AGAP1: variants seen among roughly 807,000 people sequenced by gnomAD.
AGAP1 encodes arf-GAP with GTPase, ANK repeat and PH domain-containing protein 1.
AGAP1 carries 29 observed loss-of-function variants against 105.3 expected under a neutral mutation model. That is an observed-to-expected ratio of 0.28 (90% confidence interval 0.21 to 0.38). The LOEUF is 0.38. Ranked by LOEUF, AGAP1 falls within the 10% of genes least tolerant of loss-of-function variation. AGAP1 has a pLI of 1.00. For missense variants in AGAP1, 998 were observed against 1,165.1 expected (o/e 0.86, Z 2.09); for synonymous variants, 509 against 485.9 (o/e 1.05, Z -0.63).
chr2:235,756,282 A>G (rs1953917797), intron 6 of AGAP1, among the ~76,000 whole-genome samples: 1 of 152,088 alleles, frequency 6.6e-6, no homozygotes, highest in African/African-American at 2.4e-5. Flanking sequence ...TCAATCGGGG[A>G]GACAGGATCA....
rs1944359177 is a variant in AGAP1, at chr2:235,566,766, G to T, written c.163+71917G>T. 6.6e-6 allele frequency among the ~76,000 whole-genome samples: 1 copy of T among 152,184 alleles called. No homozygotes were observed. The highest frequency in any genetic ancestry group is 1.5e-5 in the Non-Finnish European group (1 of 68,044). On this transcript the variant is annotated intron_variant, in intron 1 of 17. Coordinates refer to ENST00000304032, the MANE Select transcript of AGAP1 (RefSeq NM_001037131.3). The surrounding 1 kb of genome is among the most constrained non-coding windows in gnomAD (Gnocchi z 5.2). ...CCCTAGATTTCCCTGCCTGAAGGGG[G>T]CCCCGTGTTAGTTTCCTGTGGCTGC...
At chr2:235,943,524 A>G (rs999277149) in intron 12 of AGAP1, among the ~76,000 whole-genome samples, 1 of 151,902 alleles carries the variant, frequency 6.6e-6, no homozygotes, top group Non-Finnish European at 1.5e-5. Flanking sequence ...TAATTTTTGT[A>G]TTTTTAGTAG....
At position 235,586,453 on chromosome 2, in the gene AGAP1, G is replaced by A. The variant is rs541460282; in HGVS notation, c.163+91604G>A. 1.4e-4 allele frequency among the ~76,000 whole-genome samples: 21 copies of A among 152,350 alleles called. No individual in the cohort carries two copies. In the South Asian group the frequency reaches 4.1e-3, roughly 30 times the overall value. On this transcript the variant is annotated intron_variant, in intron 1 of 17. Coordinates refer to ENST00000304032, the MANE Select transcript of AGAP1 (RefSeq NM_001037131.3). The surrounding 1 kb of genome is among the most constrained non-coding windows in gnomAD (Gnocchi z 4.2). ...CTCCCCTGTGGAAGGCAAGGTGGAG[G>A]CAGCTGTTATGTGGTGTGTTGGATT...
At chr2:236,085,965 TC>T (rs2058918304) in intron 16 of AGAP1, among the ~76,000 whole-genome samples, 1 of 152,262 alleles carries the variant, frequency 6.6e-6, no homozygotes. Context: ...CTGACCACAC[TC>T]GTCATTTCTC....
Position 235,866,833 on chromosome 2 carries a change from T to C in AGAP1, c.1051-16512T>C, listed in dbSNP as rs1336522591. On this transcript the variant is annotated intron_variant, in intron 9 of 17. Coordinates refer to ENST00000304032, the MANE Select transcript of AGAP1 (RefSeq NM_001037131.3). This position sits in a 1 kb window ranked among gnomAD's most constrained non-coding sequence, Gnocchi z 6.1. The stretch of plus-strand genomic sequence containing the variant: ...TTCTCCGTGAGTGTCTGTGTCCTGA[T>C]CTTTTCTAATAAGGACAACAGTCAT... Among the ~76,000 whole-genome samples, 4 of 152,188 alleles carry C rather than the reference T, an allele frequency of 2.6e-5. No individual in the cohort carries two copies. The highest frequency in any genetic ancestry group is 5.9e-5 in the Non-Finnish European group (4 of 68,042).
At chr2:235,956,722 C>G (rs998745053) in intron 12 of AGAP1, among the ~76,000 whole-genome samples, 1 of 152,230 alleles carries the variant, frequency 6.6e-6, no homozygotes, top group South Asian at 2.1e-4. Context: ...CCATGAGCAG[C>G]TCAAGACTGG....
chr2:236,094,291 TA>T (rs201524432), intron 16 of AGAP1, among the ~76,000 whole-genome samples: 1,709 of 139,258 alleles, frequency 0.012, 11 homozygotes, highest in Middle Eastern at 0.033. Flanking sequence ...TCTATATCTT[TA>T]AAAAAAAAAA....
At position 236,082,040 on chromosome 2, in the gene AGAP1, G is replaced by T. The variant is rs1047302949; in HGVS notation, c.2114+32759G>T. On this transcript the variant is annotated intron_variant, in intron 16 of 17. Transcript: ENST00000304032. The surrounding 1 kb of genome is among the most constrained non-coding windows in gnomAD (Gnocchi z 4.2). ...CTAATCCAAAAGGAATGTGAAAAAAGAGTTGTTTTAATGTTGGAAAAAGGC... is the reference window on the plus strand; with the variant it reads ...CTAATCCAAAAGGAATGTGAAAAAATAGTTGTTTTAATGTTGGAAAAAGGC... 3.9e-5 allele frequency among the ~76,000 whole-genome samples: 6 copies of T among 152,194 alleles called. No homozygotes were observed. Among genetic ancestry groups the T allele is most frequent in the Non-Finnish European group, 8.8e-5 (6 of 68,032 alleles).
At position 236,090,001 on chromosome 2, in the gene AGAP1, TC is replaced by T. The variant is rs1196280729; in HGVS notation, c.2115-30188del. Among the ~76,000 whole-genome samples the T allele has an allele frequency of 6.6e-6, 1 of 151,868 alleles. No individual in the cohort carries two copies. The highest frequency in any genetic ancestry group is 1.5e-5 in the Non-Finnish European group (1 of 68,006). On this transcript the variant is annotated intron_variant, in intron 16 of 17. Transcript: ENST00000304032. The surrounding 1 kb of genome is among the most constrained non-coding windows in gnomAD (Gnocchi z 4.3). ...ATCAACCTTATGCCTGTACAGCAGC[TC>T]CCTGGCTGCAAATGAATCCATCGGA...
At chr2:235,585,471 C>T (rs1389022937) in intron 1 of AGAP1, among the ~76,000 whole-genome samples, 1 of 152,238 alleles carries the variant, frequency 6.6e-6, no homozygotes, top group Non-Finnish European at 1.5e-5. Flanking sequence ...CACATGCACA[C>T]AGTGGCTTTG....
chr2:235,529,140 T>C (rs570395108), intron 1 of AGAP1, among the ~76,000 whole-genome samples: 2 of 152,340 alleles, frequency 1.3e-5, no homozygotes, highest in East Asian at 3.9e-4. Flanking sequence ...CTGGTAACTT[T>C]CCTTGCTGCG....
intron 3 of AGAP1, among the ~76,000 whole-genome samples, chr2:235,727,430 A>G (rs1166581327): frequency 6.6e-6 from 1 of 152,146 alleles, no homozygotes; most frequent in Non-Finnish European, 1.5e-5. Context: ...CTTGGGTGCT[A>G]AAGGAGAAGC....
intron 9 of AGAP1, among the ~76,000 whole-genome samples, chr2:235,822,674 G>T (rs1364945643): frequency 1.3e-5 from 2 of 152,134 alleles, no homozygotes; most frequent in Non-Finnish European, 2.9e-5. Context: ...GGAGGAGCTG[G>T]AGAAGCTTGG....
Position 235,877,461 on chromosome 2 carries a change from A to G in AGAP1, c.1051-5884A>G, listed in dbSNP as rs575179941. On this transcript the variant is annotated intron_variant, in intron 9 of 17. Transcript: ENST00000304032. This position sits in a 1 kb window ranked among gnomAD's most constrained non-coding sequence, Gnocchi z 4.3. ...CGTGACCGTATCACGTGGTGACCCC[A>G]GTCTCTTCCTTTCCTGCTTTCATAC... 1.3e-5 allele frequency among the ~76,000 whole-genome samples: 2 copies of G among 152,190 alleles called. No homozygotes were observed. Among genetic ancestry groups the G allele is most frequent in the South Asian group, 2.1e-4 (1 of 4,820 alleles).
Position 235,959,062 on chromosome 2 carries a change from C to T in AGAP1, c.1484-9400C>T, listed in dbSNP as rs1434396353. ...GCGCCGCGCAGCTCGGGACCCCAGT[C>T]CCTCCGTCAGAGCCGGTTTAGATGT... On this transcript the variant is annotated intron_variant, in intron 12 of 17. Transcript: ENST00000304032. This position sits in a 1 kb window ranked among gnomAD's most constrained non-coding sequence, Gnocchi z 7.3. 6.6e-6 allele frequency among the ~76,000 whole-genome samples: 1 copy of T among 152,206 alleles called. No individual in the cohort carries two copies. Among genetic ancestry groups the T allele is most frequent in the African/African-American group, 2.4e-5 (1 of 41,462 alleles).
chr2:235,671,200 C>G, intron 1 of AGAP1: 1 of 989,334 alleles, frequency 1.0e-6, no homozygotes. Context: ...CTGCGGTTTT[C>G]CCCAGCAGGG....
In AGAP1 at chr2:236,073,168, G is replaced by A. The variant is rs144369828; in HGVS notation, c.2114+23887G>A. ...ACGCCACCACGCCTGGCTAATTTTT[G>A]TATTTTTTAGTAGAGACGGGGTTTC... On this transcript the variant is annotated intron_variant, in intron 16 of 17. Transcript: ENST00000304032. The surrounding 1 kb of genome is among the most constrained non-coding windows in gnomAD (Gnocchi z 5.4). 1.9e-3 allele frequency among the ~76,000 whole-genome samples: 295 copies of A among 152,096 alleles called. 1 individual carries two copies. Among genetic ancestry groups the A allele is most frequent in the African/African-American group, 6.8e-3 (283 of 41,518 alleles).
chr2:235,774,519 C>G, intron 6 of AGAP1: 2 of 333,204 alleles, frequency 6.0e-6, no homozygotes, highest in South Asian at 2.4e-5. Context: ...GTGTAGTAGC[C>G]TAAAAATTGC....
chr2:235,856,875 G>T (rs868565266), intron 9 of AGAP1, among the ~76,000 whole-genome samples: 5 of 152,382 alleles, frequency 3.3e-5, no homozygotes, highest in African/African-American at 9.6e-5. Flanking sequence ...GTGAGCTCAG[G>T]TGTCTGAGAG....
Sources: gnomAD v4.1 joint callset for allele counts (sites outside exome capture counted in the v4.1 genomes callset) on GRCh38, gnomAD v4.1.1 for gene constraint, Gnocchi (gnomAD v3.1) non-coding constraint, MANE v1.5 for transcripts, NCBI Gene and HGNC (gene_info 2026-07-23, HGNC 2026-07-21) for gene names.